The following PPHLN1 variants were observed in gnomAD, a reference collection of about 807,000 sequenced individuals.
PPHLN1 encodes periphilin-1.
A neutral mutation model predicts 51.3 loss-of-function variants in PPHLN1; 29 were observed. The observed-to-expected ratio is 0.57, with a 90% confidence interval of 0.42 to 0.77. The LOEUF (loss-of-function observed/expected upper bound fraction) is 0.77, where lower values mean the gene tolerates loss of function less well. PPHLN1 is among the 30% of genes least tolerant of loss of function. PPHLN1 has a pLI of 0.00. For missense variants in PPHLN1, 436 were observed against 438.4 expected (o/e 0.99, Z 0.05); for synonymous variants, 147 against 147.8 (o/e 0.99, Z 0.04).
chr12:42,442,814 A>G (rs1187795978), downstream of PPHLN1: 31 of 1,602,442 alleles, frequency 1.9e-5, no homozygotes, highest in Non-Finnish European at 2.6e-5. Context: ...TCATGGGACA[A>G]CAGCTATCCA....
At chr12:42,411,640 C>T (rs1008720058) in intron 9 of PPHLN1, among the ~76,000 whole-genome samples, 17 of 152,162 alleles carry the variant, frequency 1.1e-4, no homozygotes, top group African/African-American at 3.6e-4. Context: ...CGCGGTGGCT[C>T]ATGCCTGTAA....
intron 9 of PPHLN1, among the ~76,000 whole-genome samples, chr12:42,424,784 CTTAT>C (rs1347715241): frequency 2.0e-5 from 3 of 152,078 alleles, no homozygotes; most frequent in African/African-American, 7.2e-5. Flanking sequence ...TGAGCAAAGA[CTTAT>C]TTTTCTTGGG....
intron 4 of PPHLN1, among the ~76,000 whole-genome samples, chr12:42,371,338 A>C (rs2075788659): frequency 6.6e-6 from 1 of 151,800 alleles, no homozygotes; most frequent in South Asian, 2.1e-4. Flanking sequence ...TGCTGGTCTT[A>C]CACTCCTGGG....
chr12:42,387,727 A>G (rs2077310062), intron 7 of PPHLN1, among the ~76,000 whole-genome samples, 192 bp downstream of exon 7: 1 of 152,144 alleles, frequency 6.6e-6, no homozygotes, highest in Admixed American at 6.5e-5. Context: ...ATTGTAGGGA[A>G]AAGAAAGAGA....
At chr12:42,338,823 G>A (rs1344030582) in intron 2 of PPHLN1, among the ~76,000 whole-genome samples, 2 of 152,192 alleles carry the variant, frequency 1.3e-5, no homozygotes, top group African/African-American at 2.4e-5. Flanking sequence ...TGGGTGTGAT[G>A]TGGACCTCAG....
chr12:42,333,954 A>T (rs763665645), intron 1 of PPHLN1, among the ~76,000 whole-genome samples: 1 of 152,008 alleles, frequency 6.6e-6, no homozygotes, highest in Non-Finnish European at 1.5e-5. Flanking sequence ...AGCCATTTGT[A>T]TTTTTTTGTG....
intron 9 of PPHLN1, chr12:42,431,777 A>T: frequency 9.5e-7 from 1 of 1,051,048 alleles, no homozygotes; most frequent in Non-Finnish European, 1.5e-6. Context: ...TGCCAGAAGC[A>T]CTAGTCGGGC....
chr12:42,405,120 C>T (rs1447777628), intron 9 of PPHLN1, among the ~76,000 whole-genome samples: 3 of 152,154 alleles, frequency 2.0e-5, no homozygotes, highest in South Asian at 2.1e-4. Flanking sequence ...CTTTTTATCT[C>T]AGTGTTCCTT....
chr12:42,378,876 G>A (rs575975007), intron 5 of PPHLN1, among the ~76,000 whole-genome samples: 4 of 152,128 alleles, frequency 2.6e-5, no homozygotes, highest in Admixed American at 2.0e-4. Context: ...CTATAACTTA[G>A]TTGGGCTGAC....
intron 5 of PPHLN1, among the ~76,000 whole-genome samples, chr12:42,383,905 A>AC (rs952096758): frequency 7.0e-6 from 1 of 143,112 alleles, no homozygotes; most frequent in African/African-American, 2.6e-5. Flanking sequence ...AATTGCTTGA[A>AC]CCCGGGGGGC....
intron 9 of PPHLN1, among the ~76,000 whole-genome samples, chr12:42,440,825 C>T (rs1566045326): frequency 6.6e-6 from 1 of 152,216 alleles, no homozygotes; most frequent in Non-Finnish European, 1.5e-5. Flanking sequence ...GTGATCCACC[C>T]GCTTCCACTT....
In PPHLN1 at chr12:42,398,864, C is replaced by T. The variant is rs1239321531; in HGVS notation, c.779C>T (p.Thr260Ile). ...TAATTCCTTTTCAAGGCGGGATCCA[C>T]AGCACCATTGTTTACTGACCAGCCA... ...PEISEYEAGS[T>I]APLFTDQPEE... Residue 260 changes from threonine (T) to isoleucine (I), a missense_variant, in exon 9 of 10, where the codon ACA becomes ATA. Thr to Ile is a moderately conservative substitution (Grantham distance 89). Transcript: ENST00000358314. 6.2e-7 allele frequency: 1 copy of T among 1,613,410 alleles called. No homozygotes were observed. Among genetic ancestry groups the T allele is most frequent in the Admixed American group, 1.7e-5 (1 of 59,892 alleles).
chr12:42,352,039 C>T lies in PPHLN1; in HGVS notation c.227C>T (p.Pro76Leu). 1 of 1,491,092 alleles carries T rather than the reference C, an allele frequency of 6.7e-7. No homozygotes were observed. Among genetic ancestry groups the T allele is most frequent in the Non-Finnish European group, 8.9e-7 (1 of 1,123,542 alleles). The allele number at this position is 1,491,092 out of a possible 1,614,324, so 92.4% of individuals were successfully genotyped here. Residue 76 changes from proline (P) to leucine (L), a missense_variant, in exon 3 of 10, where the codon CCT (proline) becomes CTT (leucine). Transcript: ENST00000358314. Reference sequence around the variant, plus strand: ...TCTCATGATCGAAGAAGTGGTCCACCTCACAGAGGAGTATGTAAATTTCCC... The same window carrying T: ...TCTCATGATCGAAGAAGTGGTCCACTTCACAGAGGAGTATGTAAATTTCCC... The part of the protein sequence containing the change: ...SFSHDRRSGP[P>L]HRGDESGYRW...
chr12:42,341,843 G>A (rs1438439906), intron 2 of PPHLN1, among the ~76,000 whole-genome samples: 1 of 152,000 alleles, frequency 6.6e-6, no homozygotes, highest in Non-Finnish European at 1.5e-5. Context: ...GGATGGTCTC[G>A]ATCTCCTGAC....
chr12:42,380,101 A>G (rs1010683287), intron 5 of PPHLN1, among the ~76,000 whole-genome samples: 3 of 152,084 alleles, frequency 2.0e-5, no homozygotes, highest in African/African-American at 7.2e-5. Flanking sequence ...AAACAGTGAC[A>G]TAAAGATTAT....
chr12:42,402,723 T>A (rs1317855413), intron 9 of PPHLN1, among the ~76,000 whole-genome samples: 1 of 152,250 alleles, frequency 6.6e-6, no homozygotes, highest in East Asian at 1.9e-4. Flanking sequence ...AATAAGTTTT[T>A]AAATAACCTT....
At chr12:42,438,828 T>A (rs536175039) in intron 9 of PPHLN1, among the ~76,000 whole-genome samples, 6 of 152,260 alleles carry the variant, frequency 3.9e-5, no homozygotes, top group Admixed American at 3.9e-4. Context: ...GGTCTCAAAC[T>A]CCTGACCTCG....
intron 5 of PPHLN1, among the ~76,000 whole-genome samples, chr12:42,377,524 G>A (rs550145194): frequency 9.2e-5 from 14 of 151,954 alleles, no homozygotes; most frequent in African/African-American, 2.2e-4. Context: ...AGCTGGTCTC[G>A]AGCTCCTGAC....
intron 9 of PPHLN1, among the ~76,000 whole-genome samples, chr12:42,412,310 A>G (rs974686882): frequency 4.6e-5 from 7 of 152,130 alleles, no homozygotes; most frequent in African/African-American, 7.2e-5. Flanking sequence ...CGCATACTCA[A>G]TAGCTTAGCT....
Sources: gnomAD v4.1 joint callset for allele counts (sites outside exome capture counted in the v4.1 genomes callset) on GRCh38, gnomAD v4.1.1 for gene constraint, MANE v1.5 for transcripts, NCBI Gene and HGNC (gene_info 2026-07-23, HGNC 2026-07-21) for gene names.